UBR2: variants seen among roughly 807,000 people sequenced by gnomAD.
The protein encoded by UBR2 is ubiquitin protein ligase E3 component n-recognin 2, also known as E3 ubiquitin-protein ligase UBR2.
In UBR2, 92 loss-of-function variants were observed where a neutral mutation model predicts 247.9. That is an observed-to-expected ratio of 0.37 (90% CI 0.31 to 0.44). The LOEUF (loss-of-function observed/expected upper bound fraction) is 0.44. Among genes scored for constraint, UBR2 ranks in the 20% least tolerant of loss-of-function variants. The pLI is 1.00. For synonymous variants in UBR2, 672 were observed against 693.5 expected (o/e 0.97, Z 0.49); for missense variants, 1,613 against 2,112.6 (o/e 0.76, Z 4.64).
At chr6:42,565,715 C>T (rs1790739898) in intron 1 of UBR2, among the ~76,000 whole-genome samples, 1 of 152,048 alleles carries the variant, frequency 6.6e-6, no homozygotes, top group Non-Finnish European at 1.5e-5. Flanking sequence ...CATGCACCAC[C>T]ACGCCCGGCT....
chr6:42,592,273 A>G (rs1441859353), intron 3 of UBR2, 44 bp downstream of exon 3: 40 of 1,346,960 alleles, frequency 3.0e-5, no homozygotes, highest in Non-Finnish European at 3.9e-5. Context: ...ATTGCATTTT[A>G]TAATAAATAT....
rs555432586 is a variant in UBR2 at position 42,690,243 on chromosome 6, T to C, written c.5126+573T>C. On this transcript the variant is annotated intron_variant, in intron 46 of 46. Coordinates refer to ENST00000372901, the MANE Select transcript of UBR2 (RefSeq NM_001363705.2). Reference sequence around the variant, plus strand: ...GTATAAGTTTTAACCGCCATAGATATGCCTGTCCAGCCTTAAGTAGCAGAT... The same window carrying C: ...GTATAAGTTTTAACCGCCATAGATACGCCTGTCCAGCCTTAAGTAGCAGAT... Among the ~76,000 whole-genome samples the C allele has an allele frequency of 2.0e-5, 3 of 152,350 alleles. No individual in the cohort carries two copies. In the East Asian group the frequency reaches 5.8e-4, roughly 29 times the overall value.
At chr6:42,606,974 A>G (rs913358656) in intron 7 of UBR2, among the ~76,000 whole-genome samples, 5 of 152,152 alleles carry the variant, frequency 3.3e-5, no homozygotes. Context: ...CTTAAGCACC[A>G]TGATTATAAT....
chr6:42,627,809 G>A (rs1381562252), intron 11 of UBR2, among the ~76,000 whole-genome samples: 1 of 152,044 alleles, frequency 6.6e-6, no homozygotes, highest in Non-Finnish European at 1.5e-5. Context: ...ACCACACCCA[G>A]CCTTTGTTTT....
At position 42,692,548 on chromosome 6, in the gene UBR2, G is replaced by C. The variant is rs1193298373; in HGVS notation, c.*1375G>C. ...GACTTAGTAGAGGAATAAATTCTGA[G>C]CCTGTCTAAGGTGGGGCTAAGGAAC... On this transcript the variant is annotated 3_prime_UTR_variant, in exon 47 of 47. Transcript: ENST00000372901. 1 of 152,208 alleles carries C rather than the reference G, an allele frequency of 6.6e-6. No individual in the cohort carries two copies. Among genetic ancestry groups the C allele is most frequent in the Non-Finnish European group, 1.5e-5 (1 of 68,030 alleles). The allele number at this position is 152,208 out of a possible 1,614,324, so 9.4% of individuals were successfully genotyped here.
chr6:42,676,209 G>T lies in UBR2; in HGVS notation c.4387+18G>T. 1 of 1,541,934 alleles carries T rather than the reference G, an allele frequency of 6.5e-7. No homozygotes were observed. The highest frequency in any genetic ancestry group is 8.7e-7 in the Non-Finnish European group (1 of 1,150,966). Reference sequence around the variant, plus strand: ...ATGTACAGGTAACTCTTGCCTTTTTGTCAGTTTCTTGAAGGAAATACTTGA... The same window carrying T: ...ATGTACAGGTAACTCTTGCCTTTTTTTCAGTTTCTTGAAGGAAATACTTGA... On this transcript the variant is annotated intron_variant, in intron 39 of 46. Coordinates refer to ENST00000372901, the MANE Select transcript of UBR2 (RefSeq NM_001363705.2).
In UBR2 at chr6:42,691,306, T is replaced by C; in HGVS notation, c.*133T>C. ...TCCTTCCCAGTTTTATAGTTTCTGGTTCTGAGGACTGATGAAAATCATCTT... is the reference window on the plus strand; with the variant it reads ...TCCTTCCCAGTTTTATAGTTTCTGGCTCTGAGGACTGATGAAAATCATCTT... On this transcript the variant is annotated 3_prime_UTR_variant, in exon 47 of 47. Coordinates refer to ENST00000372901, the MANE Select transcript of UBR2 (RefSeq NM_001363705.2). 1 of 1,228,486 alleles carries C rather than the reference T, an allele frequency of 8.1e-7. No homozygotes were observed. The highest frequency in any genetic ancestry group is 1.4e-5 in the South Asian group (1 of 71,564). 76.1% of individuals were successfully genotyped at this position (1,228,486 alleles called of 1,614,324 possible). A position where few individuals can be genotyped will look rare whatever the true frequency, so the allele number is the denominator to read the frequency against.
At chr6:42,670,898 T>C (rs1339558333) in intron 36 of UBR2, among the ~76,000 whole-genome samples, 183 bp downstream of exon 36, 1 of 152,158 alleles carries the variant, frequency 6.6e-6, no homozygotes, top group African/African-American at 2.4e-5. Context: ...TAAATAAACT[T>C]CAGGAGGCCG....
At chr6:42,638,744 G>A (rs61053122) in intron 15 of UBR2, among the ~76,000 whole-genome samples, 3,667 of 151,232 alleles carry the variant, frequency 0.024, 137 homozygotes, top group African/African-American at 0.084. Flanking sequence ...TGCCCTGCAC[G>A]TGCCCTTAAA....
In UBR2 at chr6:42,659,548, C is replaced by T. The variant is rs1042844913; in HGVS notation, c.3243-108C>T. ...ACACACACACACACACACACACACA[C>T]ACACACACACACACTACACACACAC... On this transcript the variant is annotated intron_variant, in intron 29 of 46. Coordinates refer to ENST00000372901, the MANE Select transcript of UBR2 (RefSeq NM_001363705.2). This position sits in a 1 kb window ranked among gnomAD's most constrained non-coding sequence, Gnocchi z 4.3. 5 of 751,642 alleles carry T rather than the reference C, an allele frequency of 6.7e-6. No individual in the cohort carries two copies. In the East Asian group the frequency reaches 8.2e-5, roughly 12 times the overall value. The allele number at this position is 751,642 out of a possible 1,614,324, so 46.6% of individuals were successfully genotyped here.
intron 2 of UBR2, among the ~76,000 whole-genome samples, chr6:42,586,902 A>G (rs780939612): frequency 6.8e-6 from 1 of 147,242 alleles, no homozygotes; most frequent in African/African-American, 2.5e-5. Flanking sequence ...GCTCACTGCA[A>G]CCTCGCCTCC....
At chr6:42,660,479 A>T (rs1457480327) in intron 30 of UBR2, among the ~76,000 whole-genome samples, 1 of 152,212 alleles carries the variant, frequency 6.6e-6, no homozygotes, top group East Asian at 1.9e-4. Flanking sequence ...CGTGTGCTTC[A>T]GCGATACCCA....
intron 14 of UBR2, among the ~76,000 whole-genome samples, 198 bp downstream of exon 14, chr6:42,635,744 G>C (rs1359865341): frequency 6.6e-6 from 1 of 152,118 alleles, no homozygotes; most frequent in Non-Finnish European, 1.5e-5. Context: ...GAAAAATAGA[G>C]AAAGAAATAA....
At chr6:42,627,466 G>C (rs532103240) in intron 11 of UBR2, among the ~76,000 whole-genome samples, 2 of 152,088 alleles carry the variant, frequency 1.3e-5, no homozygotes, top group South Asian at 4.2e-4. Context: ...TTTGTTTCAG[G>C]GAGAGTCTAT....
In UBR2 at chr6:42,665,426, A is replaced by T. The variant is rs1248607834; in HGVS notation, c.3716A>T (p.Asp1239Val). 1.2e-6 allele frequency: 2 copies of T among 1,612,438 alleles called. No homozygotes were observed. The highest frequency in any genetic ancestry group is 1.7e-6 in the Non-Finnish European group (2 of 1,179,234). Residue 1239 changes from aspartate to valine, a missense_variant, in exon 33 of 47, where the codon GAC (aspartate) becomes GTC (valine). Physicochemically the swap from Asp to Val is radical, Grantham distance 152. Coordinates refer to ENST00000372901, the MANE Select transcript of UBR2 (RefSeq NM_001363705.2). ...TTTTCTAGCAGGTTAAATTTTTCAG[A>T]CCAACCAAATCTGACTCAGTGGATT... ...NIFNNRLNFS[D>V]QPNLTQWIRT...
rs1421348853 is a variant in UBR2 at position 42,672,615 on chromosome 6, A to T, written c.4087-1176A>T. On this transcript the variant is annotated intron_variant, in intron 36 of 46. Coordinates refer to ENST00000372901, the MANE Select transcript of UBR2 (RefSeq NM_001363705.2). ...CACCCCTGTGGTCCAGACTTGTAGA[A>T]TCACTGCCAGTTCCTCAATGCTAGT... Among the ~76,000 whole-genome samples, 3 of 152,130 alleles carry T rather than the reference A, an allele frequency of 2.0e-5. No individual in the cohort carries two copies. In the East Asian group the frequency reaches 5.8e-4, roughly 29 times the overall value.
chr6:42,603,823 GAAC>G, intron 5 of UBR2, 105 bp downstream of exon 5: 2 of 1,150,054 alleles, frequency 1.7e-6, no homozygotes, highest in Non-Finnish European at 2.4e-6. Context: ...GTTTTTAGCA[GAAC>G]AATAACCTCA....
chr6:42,564,991 C>T (rs1222182067), intron 1 of UBR2, among the ~76,000 whole-genome samples: 1 of 152,000 alleles, frequency 6.6e-6, no homozygotes, highest in Non-Finnish European at 1.5e-5. Flanking sequence ...GGAAAGTTTA[C>T]TGAGTATGAG....
At chr6:42,599,604 G>A (rs1793225528) in intron 4 of UBR2, among the ~76,000 whole-genome samples, 1 of 126,322 alleles carries the variant, frequency 7.9e-6, no homozygotes, top group African/African-American at 3.2e-5. Flanking sequence ...TTGGGGTTTT[G>A]TTTGGGGGTT....
Sources: allele counts gnomAD v4.1 joint callset (sites outside exome capture counted in the v4.1 genomes callset), GRCh38; gene constraint gnomAD v4.1.1; non-coding constraint Gnocchi (gnomAD v3.1); transcripts MANE v1.5; gene names NCBI Gene and HGNC (gene_info 2026-07-23, HGNC 2026-07-21).